CTNNA1: variants seen among roughly 807,000 people sequenced by gnomAD.
CTNNA1 encodes the protein catenin alpha-1.
CTNNA1 carries 37 observed loss-of-function variants against 98.4 expected under a neutral mutation model. The observed-to-expected ratio is 0.38, with a 90% confidence interval of 0.29 to 0.49. The LOEUF is 0.49. Ranked by LOEUF, CTNNA1 falls within the 20% of genes least tolerant of loss-of-function variation. The pLI, the probability that CTNNA1 is intolerant of heterozygous loss-of-function variation, is 0.95. For missense variants in CTNNA1, 761 were observed against 1,147.2 expected (o/e 0.66, Z 4.86); for synonymous variants, 404 against 413.2 (o/e 0.98, Z 0.27).
At chr5:138,809,956 G>A in intron 3 of CTNNA1, 82 bp from the exon 4 acceptor site, 9 of 1,455,960 alleles carry the variant, frequency 6.2e-6, no homozygotes, top group Non-Finnish European at 8.3e-6. Context: ...TACAAAGTTT[G>A]GATTATTTTT....
chr5:138,873,117 C>A lies in CTNNA1; in HGVS notation c.1063-13095C>A. 1 of 1,613,924 alleles carries A rather than the reference C, an allele frequency of 6.2e-7. No individual in the cohort carries two copies. The highest frequency in any genetic ancestry group is 8.5e-7 in the Non-Finnish European group (1 of 1,179,890). On this transcript the variant is annotated intron_variant, in intron 7 of 17. Transcript: ENST00000302763. This position sits in a 1 kb window ranked among gnomAD's most constrained non-coding sequence, Gnocchi z 6.1. ...GTGGGTTCATATTCATTATACGGTC[C>A]TTGGTCTGACATGTTTGACATATGG...
chr5:138,753,727 C>T (rs1020960854), intron 1 of CTNNA1: 3 of 312,460 alleles, frequency 9.6e-6, no homozygotes, highest in African/African-American at 6.6e-5. Flanking sequence ...GAGTATGGGG[C>T]CCGGGCGGGC....
At chr5:138,841,410 C>T (rs1762259365) in intron 7 of CTNNA1, among the ~76,000 whole-genome samples, 1 of 152,122 alleles carries the variant, frequency 6.6e-6, no homozygotes. Flanking sequence ...CAGGCGCCCG[C>T]TACCACGCCC....
intron 10 of CTNNA1, among the ~76,000 whole-genome samples, chr5:138,908,899 G>A (rs1031495123): frequency 6.6e-6 from 1 of 152,056 alleles, no homozygotes; most frequent in Non-Finnish European, 1.5e-5. Context: ...AAACTTTTAC[G>A]AGGAAGCAGT....
intron 1 of CTNNA1, among the ~76,000 whole-genome samples, chr5:138,757,874 CCTCCA>C (rs1751853131): frequency 6.6e-6 from 1 of 152,164 alleles, no homozygotes; most frequent in African/African-American, 2.4e-5. Context: ...TTATGGAGGG[CCTCCA>C]ATAACAAATT....
Position 138,783,163 on chromosome 5 carries a change from A to T in CTNNA1, c.106-14A>T. 1 of 1,559,184 alleles carries T rather than the reference A, an allele frequency of 6.4e-7. No individual in the cohort carries two copies. The highest frequency in any genetic ancestry group is 8.7e-7 in the Non-Finnish European group (1 of 1,150,932). On this transcript the variant is annotated splice_polypyrimidine_tract_variant and intron_variant, in intron 2 of 17. Coordinates refer to ENST00000302763, the MANE Select transcript of CTNNA1 (RefSeq NM_001903.5). ...TAATTGACTCCAGTTTAATGTTAAA[A>T]ATGAAACTTTTAGGTTACAACCCTT...
At chr5:138,760,950 G>A (rs933181176) in intron 1 of CTNNA1, among the ~76,000 whole-genome samples, 1 of 152,164 alleles carries the variant, frequency 6.6e-6, no homozygotes, top group Non-Finnish European at 1.5e-5. Flanking sequence ...TATATAATAA[G>A]TTCTGGAAGG....
intron 7 of CTNNA1, chr5:138,872,896 T>C (rs1750813541): frequency 2.9e-6 from 2 of 682,794 alleles, no homozygotes; most frequent in Non-Finnish European, 2.3e-6. Flanking sequence ...AAGTCTCCAC[T>C]TAGTTTGGAA....
chr5:138,773,639 G>GT (rs923922383), intron 1 of CTNNA1, among the ~76,000 whole-genome samples: 75 of 88,656 alleles, frequency 8.5e-4, no homozygotes, highest in African/African-American at 2.8e-3. Context: ...GTTTCTTAAT[G>GT]TAAGTGAGTG....
intron 1 of CTNNA1, among the ~76,000 whole-genome samples, chr5:138,767,625 T>A (rs193042294): frequency 4.6e-5 from 7 of 152,300 alleles, no homozygotes; most frequent in Admixed American, 4.6e-4. Flanking sequence ...CCCCTACTTT[T>A]TTTGGGGAAG....
intron 10 of CTNNA1, among the ~76,000 whole-genome samples, chr5:138,908,251 C>T (rs1055513205): frequency 7.9e-5 from 12 of 152,228 alleles, no homozygotes; most frequent in East Asian, 5.8e-4. Flanking sequence ...TCACTGTGCC[C>T]GGCCTTTCAT....
At chr5:138,784,594 TTAGTTTCC>T (rs1450556454) in intron 3 of CTNNA1, among the ~76,000 whole-genome samples, 4 of 152,354 alleles carry the variant, frequency 2.6e-5, no homozygotes, top group Admixed American at 6.5e-5. Context: ...GGCAGGTATA[TTAGTTTCC>T]TAGGGCTTCT....
At position 138,934,902 on chromosome 5, in the gene CTNNA1, GTGAT is replaced by G. The variant is rs67679547; in HGVS notation, c.*827_*830del. 48,103 of 152,202 alleles carry G rather than the reference GTGAT, an allele frequency of 0.32. 7,895 individuals are homozygous for G. Among genetic ancestry groups the G allele is most frequent in the African/African-American group, 0.41 (16,814 of 41,344 alleles). The allele number at this position is 152,202 out of a possible 1,614,324, so 9.4% of individuals were successfully genotyped here. A position where few individuals can be genotyped will look rare whatever the true frequency, so the allele number is the denominator to read the frequency against. Reference sequence around the variant, plus strand: ...CTTTACCTTATTTGTGATTACTGTAGTGATTGATTGATTGATTACTATTAACTAC... The same window carrying G: ...CTTTACCTTATTTGTGATTACTGTAGTGATTGATTGATTACTATTAACTAC... On this transcript the variant is annotated 3_prime_UTR_variant, in exon 18 of 18. Transcript: ENST00000302763.
chr5:138,767,620 A>G (rs752254820), intron 1 of CTNNA1, among the ~76,000 whole-genome samples: 1 of 151,974 alleles, frequency 6.6e-6, no homozygotes, highest in African/African-American at 2.4e-5. Context: ...TTTTCCCCCT[A>G]CTTTTTTTGG....
intron 1 of CTNNA1, among the ~76,000 whole-genome samples, chr5:138,759,882 CTAAT>C (rs1474902330): frequency 6.7e-6 from 1 of 150,114 alleles, no homozygotes; most frequent in African/African-American, 2.5e-5. Context: ...TTACATCTGA[CTAAT>C]TATGCCAGTG....
At chr5:138,909,666 C>CA (rs1760110003) in intron 10 of CTNNA1, among the ~76,000 whole-genome samples, 1 of 152,174 alleles carries the variant, frequency 6.6e-6, no homozygotes, top group Admixed American at 6.5e-5. Context: ...ATTTCTCACT[C>CA]ACTAAATTGA....
intron 3 of CTNNA1, among the ~76,000 whole-genome samples, chr5:138,798,995 A>T (rs1039559464): frequency 2.0e-5 from 3 of 151,640 alleles, no homozygotes; most frequent in Middle Eastern, 3.4e-3. Context: ...TTTTTTTATT[A>T]AAAAAAATTT....
intron 10 of CTNNA1, among the ~76,000 whole-genome samples, chr5:138,906,977 G>A (rs996452186): frequency 6.6e-6 from 1 of 152,178 alleles, no homozygotes; most frequent in Non-Finnish European, 1.5e-5. Flanking sequence ...CCCCAGCCCC[G>A]TTATTGCCAG....
chr5:138,856,756 A>C (rs1002405062), intron 7 of CTNNA1, among the ~76,000 whole-genome samples: 1 of 152,204 alleles, frequency 6.6e-6, no homozygotes, highest in African/African-American at 2.4e-5. Context: ...GGTAAATTGG[A>C]CTCAAGCAAG....
Sources: gnomAD v4.1 joint callset for allele counts (sites outside exome capture counted in the v4.1 genomes callset) on GRCh38, gnomAD v4.1.1 for gene constraint, Gnocchi (gnomAD v3.1) non-coding constraint, MANE v1.5 for transcripts, NCBI Gene and HGNC (gene_info 2026-07-23, HGNC 2026-07-21) for gene names.